Variants in FSTL4 observed in about 807,000 individuals in gnomAD.
FSTL4 encodes the protein follistatin-related protein 4.
Under a neutral mutation model 78.2 loss-of-function variants are expected in FSTL4, and 28 were observed. The observed-to-expected ratio is 0.36, with a 90% confidence interval of 0.27 to 0.49. The LOEUF (loss-of-function observed/expected upper bound fraction) is 0.49, where lower values mean the gene tolerates loss of function less well. FSTL4 is among the 20% of genes least tolerant of loss of function. FSTL4 has a pLI of 0.98. For synonymous variants in FSTL4, 422 were observed against 440.5 expected, an observed-to-expected ratio of 0.96 and a Z score of 0.53; for missense variants, 922 against 1,084.9, an observed-to-expected ratio of 0.85 and a Z score of 2.11.
chr5:133,332,178 A>G (rs17627463), intron 4 of FSTL4, among the ~76,000 whole-genome samples: 2,300 of 152,310 alleles, frequency 0.015, 22 homozygotes, highest in Non-Finnish European at 0.025. Flanking sequence ...GATTCCAGAC[A>G]CATCTCAGCC....
the FSTL4 span, among the ~76,000 whole-genome samples, chr5:133,815,550 G>A: frequency 1.3e-5 from 2 of 152,194 alleles, no homozygotes; most frequent in Non-Finnish European, 2.9e-5. Context: ...CAGTGGTAAG[G>A]GTAATTGGCT....
At chr5:133,716,226 G>T in the FSTL4 span, among the ~76,000 whole-genome samples, 1 of 152,134 alleles carries the variant, frequency 6.6e-6, no homozygotes, top group Non-Finnish European at 1.5e-5. Flanking sequence ...ATTCCAGATG[G>T]AAGAAACTGC....
chr5:133,455,147 G>A (rs1281457443), intron 3 of FSTL4, among the ~76,000 whole-genome samples: 1 of 152,212 alleles, frequency 6.6e-6, no homozygotes, highest in African/African-American at 2.4e-5. Context: ...GTTGAGTTGA[G>A]GAAGAGTGGA....
At chr5:133,780,585 C>T in the FSTL4 span, among the ~76,000 whole-genome samples, 5 of 152,190 alleles carry the variant, frequency 3.3e-5, no homozygotes, top group Non-Finnish European at 7.3e-5. Flanking sequence ...GCACAGAAGA[C>T]ATTTTGAGGA....
At chr5:133,539,684 T>G (rs1275816614) in intron 3 of FSTL4, among the ~76,000 whole-genome samples, 1 of 152,160 alleles carries the variant, frequency 6.6e-6, no homozygotes, top group Non-Finnish European at 1.5e-5. Flanking sequence ...TTTGAGTCTT[T>G]CTTCCTTTCC....
At chr5:133,342,835 C>T (rs1254442217) in intron 4 of FSTL4, among the ~76,000 whole-genome samples, 3 of 152,202 alleles carry the variant, frequency 2.0e-5, no homozygotes, top group Non-Finnish European at 2.9e-5. Flanking sequence ...TTTGCCTTCA[C>T]GCTGTGTGTG....
chr5:133,449,795 G>A (rs911583947), intron 3 of FSTL4, among the ~76,000 whole-genome samples: 1 of 152,112 alleles, frequency 6.6e-6, no homozygotes, highest in African/African-American at 2.4e-5. Flanking sequence ...TTTTCCCTGC[G>A]GGTCTTTTAA....
intron 5 of FSTL4, 130 bp downstream of exon 5, chr5:133,316,329 C>A: frequency 1.5e-6 from 1 of 674,514 alleles, no homozygotes; most frequent in South Asian, 2.2e-5. Context: ...TGGGAAGAAC[C>A]TGACCTCATT....
the FSTL4 span, among the ~76,000 whole-genome samples, chr5:133,764,094 G>A: frequency 4.6e-5 from 7 of 152,350 alleles, no homozygotes; most frequent in Admixed American, 2.0e-4. Context: ...AAGCCAATTT[G>A]TCTTTCCTCT....
chr5:133,503,181 G>A (rs921645428), intron 3 of FSTL4, among the ~76,000 whole-genome samples: 1 of 152,182 alleles, frequency 6.6e-6, no homozygotes, highest in African/African-American at 2.4e-5. Context: ...CACAGATCAT[G>A]CTTACTCCCA....
At chr5:133,591,228 A>C (rs1760619913) in intron 2 of FSTL4, among the ~76,000 whole-genome samples, 1 of 152,176 alleles carries the variant, frequency 6.6e-6, no homozygotes, top group Non-Finnish European at 1.5e-5. Context: ...GCCCAGCCAC[A>C]GACAGGCCGG....
At chr5:133,349,065 TTC>T (rs1754760765) in intron 4 of FSTL4, among the ~76,000 whole-genome samples, 1 of 152,102 alleles carries the variant, frequency 6.6e-6, no homozygotes, top group Admixed American at 6.6e-5. Context: ...CTCAGAATAG[TTC>T]TCTCAAGTAC....
At chr5:133,550,907 G>A (rs571359703) in intron 3 of FSTL4, among the ~76,000 whole-genome samples, 3 of 152,236 alleles carry the variant, frequency 2.0e-5, no homozygotes, top group African/African-American at 7.2e-5. Flanking sequence ...TATGAGCGAT[G>A]ATTTTCTTGT....
At chr5:133,292,703 T>C (rs1423355666) in intron 6 of FSTL4, among the ~76,000 whole-genome samples, 1 of 150,812 alleles carries the variant, frequency 6.6e-6, no homozygotes, top group African/African-American at 2.4e-5. Context: ...CCCCACAAGT[T>C]ATGATTTATA....
intron 4 of FSTL4, among the ~76,000 whole-genome samples, chr5:133,327,927 C>G (rs1754255098): frequency 6.6e-6 from 1 of 152,226 alleles, no homozygotes; most frequent in Non-Finnish European, 1.5e-5. Flanking sequence ...CTCATCCTCC[C>G]AGGATTCAAA....
chr5:133,752,317 G>A, the FSTL4 span, among the ~76,000 whole-genome samples: 1 of 152,220 alleles, frequency 6.6e-6, no homozygotes, highest in African/African-American at 2.4e-5. Context: ...CTGGGAGTGA[G>A]AGAGAGGGCA....
the FSTL4 span, among the ~76,000 whole-genome samples, chr5:133,763,183 T>C: frequency 2.6e-5 from 4 of 152,244 alleles, no homozygotes; most frequent in East Asian, 7.7e-4. Flanking sequence ...CTCTATTCAG[T>C]AGGACATGCC....
At chr5:133,626,098 CATAT>C in the FSTL4 span, among the ~76,000 whole-genome samples, 9 of 32,626 alleles carry the variant, frequency 2.8e-4, no homozygotes, top group African/African-American at 1.5e-3. Flanking sequence ...ATATATATTC[CATAT>C]ATATATATAT....
intron 4 of FSTL4, among the ~76,000 whole-genome samples, chr5:133,329,571 C>T (rs1267619644): frequency 6.6e-6 from 1 of 151,782 alleles, no homozygotes; most frequent in Non-Finnish European, 1.5e-5. Flanking sequence ...CAGGAAGCAA[C>T]CAGCCTGGGA....
Sources: allele counts gnomAD v4.1 joint callset (sites outside exome capture counted in the v4.1 genomes callset), GRCh38; gene constraint gnomAD v4.1.1; transcripts MANE v1.5; gene names NCBI Gene and HGNC (gene_info 2026-07-23, HGNC 2026-07-21).